Variants in PXDNL observed in about 807,000 individuals in gnomAD.
PXDNL encodes peroxidasin like, also known as probable oxidoreductase PXDNL.
In PXDNL, 145 loss-of-function variants were observed where a neutral mutation model predicts 150.8. That is an observed-to-expected ratio of 0.96 (90% confidence interval 0.84 to 1.10). The LOEUF (loss-of-function observed/expected upper bound fraction) is 1.10. Among genes scored for constraint, PXDNL ranks in the 50% least tolerant of loss-of-function variants. The probability of loss-of-function intolerance (pLI) is 0.00; values close to 1 mark genes in which losing one functional copy is unlikely to be tolerated. For synonymous variants in PXDNL, 757 were observed against 725.7 expected (o/e 1.04, Z -0.69); for missense variants, 2,087 against 1,873.9 (o/e 1.11, Z -2.10).
At chr8:51,422,626 A>G (rs1450606667) in intron 14 of PXDNL, among the ~76,000 whole-genome samples, 1 of 152,252 alleles carries the variant, frequency 6.6e-6, no homozygotes, top group African/African-American at 2.4e-5. Flanking sequence ...CTGCGAAACC[A>G]TATTTATGAA....
intron 2 of PXDNL, among the ~76,000 whole-genome samples, chr8:51,644,337 TACACACACACACACACACACACAC>T (rs371179403): frequency 8.0e-5 from 4 of 50,180 alleles, no homozygotes; most frequent in East Asian, 6.4e-4. Flanking sequence ...TATATATATA[TACACACACACACACACACACACAC>T]ACATATGTAT....
intron 1 of PXDNL, among the ~76,000 whole-genome samples, chr8:51,749,224 C>T (rs987963186): frequency 7.2e-5 from 11 of 152,164 alleles, no homozygotes; most frequent in East Asian, 1.9e-4. Context: ...CTACATCCTA[C>T]GACACTCTCG....
chr8:51,402,240 G>A (rs369164136), intron 17 of PXDNL, among the ~76,000 whole-genome samples: 18 of 152,124 alleles, frequency 1.2e-4, no homozygotes, highest in African/African-American at 3.1e-4. Context: ...TTTAAGGAGC[G>A]GAGGCAGGGC....
chr8:51,578,142 GAGAGAGAAAGAA>G (rs1563471483), intron 3 of PXDNL, among the ~76,000 whole-genome samples: 3 of 126,558 alleles, frequency 2.4e-5, no homozygotes, highest in Middle Eastern at 3.8e-3. Flanking sequence ...AAGAGTGAGA[GAGAGAGAAAGAA>G]AGAGAAAGAA....
At chr8:51,670,472 G>GTTAT in intron 1 of PXDNL, among the ~76,000 whole-genome samples, 1 of 152,176 alleles carries the variant, frequency 6.6e-6, no homozygotes, top group East Asian at 1.9e-4. Flanking sequence ...GGCTACACAC[G>GTTAT]TGTACAGCAT....
intron 3 of PXDNL, among the ~76,000 whole-genome samples, chr8:51,563,662 A>G (rs534147701): frequency 6.6e-6 from 1 of 152,144 alleles, no homozygotes; most frequent in South Asian, 2.1e-4. Flanking sequence ...AATGAGGTCC[A>G]AAATAATAAC....
chr8:51,523,335 C>T (rs11782851), intron 4 of PXDNL, among the ~76,000 whole-genome samples: 22,851 of 152,116 alleles, frequency 0.15, 1,940 homozygotes, highest in East Asian at 0.24. Flanking sequence ...CTGTAAACTA[C>T]ATTTGGAAAA....
chr8:51,381,398 C>T (rs551845076), intron 17 of PXDNL, among the ~76,000 whole-genome samples: 2 of 152,176 alleles, frequency 1.3e-5, no homozygotes, highest in South Asian at 4.1e-4. Context: ...TCCAAGGCTA[C>T]ACCAACCTCC....
chr8:51,728,297 G>A (rs557209575), intron 1 of PXDNL, among the ~76,000 whole-genome samples: 7 of 152,296 alleles, frequency 4.6e-5, no homozygotes, highest in Non-Finnish European at 8.8e-5. Context: ...CTATGTGACT[G>A]ATTTATATAC....
rs953892840 is a variant in PXDNL at position 51,745,249 on chromosome 8, A to T, written c.164+63932T>A. 1.7e-4 allele frequency among the ~76,000 whole-genome samples: 26 copies of T among 152,196 alleles called. 1 individual carries two copies. The highest frequency in any genetic ancestry group is 1.1e-3 in the Admixed American group (17 of 15,276). On this transcript the variant is annotated intron_variant, in intron 1 of 22. Transcript: ENST00000356297. ...ATCCAATAGAATGAAATCTTAAAGG[A>T]CCTTTCATCAGTAATTCAATGGTAT...
intron 8 of PXDNL, among the ~76,000 whole-genome samples, chr8:51,462,684 C>T (rs1300396978): frequency 2.6e-5 from 4 of 151,998 alleles, no homozygotes; most frequent in Non-Finnish European, 5.9e-5. Context: ...ATTGGCATTC[C>T]TGAGAGAAAA....
intron 17 of PXDNL, among the ~76,000 whole-genome samples, chr8:51,376,064 T>G (rs1807298226): frequency 6.6e-6 from 1 of 152,222 alleles, no homozygotes. Context: ...TAATAGTTAA[T>G]GCCAAACTGC....
At position 51,771,598 on chromosome 8, in the gene PXDNL, G is replaced by A. The variant is rs537427727; in HGVS notation, c.164+37583C>T. Among the ~76,000 whole-genome samples the A allele has an allele frequency of 1.4e-4, 22 of 152,146 alleles. No individual in the cohort carries two copies. The South Asian group carries it at 3.9e-3, about 27-fold the overall frequency. ...CTGCAAGTATGTCACTTGCTTTTGG[G>A]GTAGTCCTTGAGCACAGAATAGAGA... On this transcript the variant is annotated intron_variant, in intron 1 of 22. Coordinates refer to ENST00000356297, the MANE Select transcript of PXDNL (RefSeq NM_144651.5).
intron 9 of PXDNL, among the ~76,000 whole-genome samples, chr8:51,455,110 C>A (rs533064155): frequency 1.0e-3 from 1 of 970 alleles, no homozygotes; most frequent in Non-Finnish European, 8.1e-3. Context: ...AGCGAGACTC[C>A]GTCTCAAAAA....
At chr8:51,548,421 A>T (rs555262084) in intron 4 of PXDNL, among the ~76,000 whole-genome samples, 94 of 152,312 alleles carry the variant, frequency 6.2e-4, no homozygotes, top group African/African-American at 2.1e-3. Flanking sequence ...GAAGGGAAAA[A>T]TCTTAAGAGT....
Position 51,809,245 on chromosome 8 carries a change from T to G in PXDNL, c.100A>C (p.Thr34Pro), listed in dbSNP as rs778017336. ...AGCATCAAGTGCATGCAGCGGACGG[T>G]GCTCTTAAAGCAAAGGCACCGGCTG... ...CPSRCLCFKS[T>P]VRCMHLMLDH... The change falls in exon 1 of 23, where the codon ACC becomes CCC. Residue 34 changes from threonine to proline, a missense_variant. Transcript: ENST00000356297. 8 of 1,612,436 alleles carry G rather than the reference T, an allele frequency of 5.0e-6. No individual in the cohort carries two copies. Among genetic ancestry groups the G allele is most frequent in the Non-Finnish European group, 6.8e-6 (8 of 1,179,276 alleles).
intron 1 of PXDNL, among the ~76,000 whole-genome samples, chr8:51,670,791 C>A (rs1815483762): frequency 6.6e-6 from 1 of 152,148 alleles, no homozygotes; most frequent in African/African-American, 2.4e-5. Flanking sequence ...ACTAATGTGT[C>A]CCCCAGTGAG....
intron 17 of PXDNL, among the ~76,000 whole-genome samples, chr8:51,384,375 G>C (rs1029285370): frequency 3.0e-5 from 4 of 134,896 alleles, no homozygotes; most frequent in Non-Finnish European, 6.1e-5. Context: ...AAAGGTGAAT[G>C]ACAAAAAAAA....
intron 1 of PXDNL, chr8:51,721,750 C>T (rs1816735076): frequency 2.4e-6 from 1 of 411,472 alleles, no homozygotes; most frequent in East Asian, 6.2e-5. Flanking sequence ...ATCATCCTCT[C>T]CAGCAGCAAG....
Sources: allele counts gnomAD v4.1 joint callset (sites outside exome capture counted in the v4.1 genomes callset), GRCh38; gene constraint gnomAD v4.1.1; transcripts MANE v1.5; gene names NCBI Gene and HGNC (gene_info 2026-07-23, HGNC 2026-07-21).